The following MARCHF1 variants were observed in gnomAD, a reference collection of about 807,000 sequenced individuals.
MARCHF1 encodes the protein E3 ubiquitin-protein ligase MARCHF1.
Under a neutral mutation model 54.2 loss-of-function variants are expected in MARCHF1, and 40 were observed. The observed-to-expected ratio is 0.74, with a 90% CI of 0.57 to 0.96. The LOEUF (loss-of-function observed/expected upper bound fraction) is 0.96. Among genes scored for constraint, MARCHF1 ranks in the 40% least tolerant of loss-of-function variants. The probability of loss-of-function intolerance (pLI) is 0.00; values close to 1 mark genes in which losing one functional copy is unlikely to be tolerated. For missense variants in MARCHF1, 586 were observed against 656.5 expected, an observed-to-expected ratio of 0.89 and a Z score of 1.17; for synonymous variants, 236 against 236.3, an observed-to-expected ratio of 1.00 and a Z score of 0.01.
chr4:163,666,961 C>T (rs138806555), intron 5 of MARCHF1, among the ~76,000 whole-genome samples: 6 of 152,104 alleles, frequency 3.9e-5, no homozygotes, highest in African/African-American at 1.2e-4. Flanking sequence ...TATCTATACC[C>T]TGCTTTGTTG....
At chr4:164,070,780 A>G (rs1381096824) in intron 2 of MARCHF1, among the ~76,000 whole-genome samples, 2 of 152,250 alleles carry the variant, frequency 1.3e-5, no homozygotes, top group African/African-American at 4.8e-5. Context: ...GCCTCAATTC[A>G]TTCTCTTAAA....
intron 2 of MARCHF1, among the ~76,000 whole-genome samples, chr4:164,040,833 A>G (rs1460799475): frequency 6.6e-6 from 1 of 151,882 alleles, no homozygotes; most frequent in Non-Finnish European, 1.5e-5. Context: ...AATTTGGAAA[A>G]TAAGGTTGGC....
chr4:163,758,842 A>G (rs1198211601), intron 4 of MARCHF1, among the ~76,000 whole-genome samples: 1 of 152,192 alleles, frequency 6.6e-6, no homozygotes, highest in Non-Finnish European at 1.5e-5. Context: ...TTGATATTGA[A>G]CATATTATTG....
intron 4 of MARCHF1, among the ~76,000 whole-genome samples, chr4:163,782,371 T>C (rs1346612968): frequency 6.6e-6 from 1 of 152,082 alleles, no homozygotes; most frequent in Non-Finnish European, 1.5e-5. Context: ...AGCAGAGTCC[T>C]TATTGAAAGG....
At chr4:163,778,758 A>G (rs1207308155) in intron 4 of MARCHF1, among the ~76,000 whole-genome samples, 1 of 152,224 alleles carries the variant, frequency 6.6e-6, no homozygotes, top group Non-Finnish European at 1.5e-5. Flanking sequence ...CAGAAAGACA[A>G]ATACCACATG....
At chr4:164,075,362 G>T (rs1025928439) in intron 2 of MARCHF1, among the ~76,000 whole-genome samples, 1 of 152,186 alleles carries the variant, frequency 6.6e-6, no homozygotes, top group African/African-American at 2.4e-5. Flanking sequence ...TAGCAAACAT[G>T]TTGTAAACAA....
intron 1 of MARCHF1, among the ~76,000 whole-genome samples, chr4:164,181,009 C>A (rs1730819819): frequency 6.6e-6 from 1 of 152,138 alleles, no homozygotes; most frequent in Admixed American, 6.6e-5. Context: ...AAATTCTCAT[C>A]ATCTCATTTC....
chr4:164,074,379 A>C (rs1360165534), intron 2 of MARCHF1, among the ~76,000 whole-genome samples: 2 of 152,212 alleles, frequency 1.3e-5, no homozygotes, highest in Non-Finnish European at 2.9e-5. Flanking sequence ...CCATTTCCAG[A>C]GTATGTAACA....
At chr4:163,737,151 A>G (rs1579242830) in intron 4 of MARCHF1, among the ~76,000 whole-genome samples, 1 of 106,904 alleles carries the variant, frequency 9.4e-6, no homozygotes, top group African/African-American at 3.3e-5. Flanking sequence ...CAGCGCTCGC[A>G]GCTTTTTTCT....
chr4:163,681,092 T>G (rs908577524), intron 5 of MARCHF1, among the ~76,000 whole-genome samples: 4 of 151,878 alleles, frequency 2.6e-5, no homozygotes, highest in East Asian at 1.9e-4. Context: ...TAACCAGATA[T>G]TAAAGGGAAC....
At chr4:163,816,874 C>T (rs953247889) in intron 4 of MARCHF1, among the ~76,000 whole-genome samples, 1 of 151,998 alleles carries the variant, frequency 6.6e-6, no homozygotes, top group Non-Finnish European at 1.5e-5. Flanking sequence ...CCCCGCTGTG[C>T]CCCCACTGCA....
chr4:163,941,841 A>T (rs1343458284), intron 3 of MARCHF1, among the ~76,000 whole-genome samples: 2 of 152,214 alleles, frequency 1.3e-5, no homozygotes, highest in African/African-American at 2.4e-5. Flanking sequence ...AAAATGTTTT[A>T]AAATTACTAT....
At chr4:163,808,944 A>G (rs1748305549) in intron 4 of MARCHF1, among the ~76,000 whole-genome samples, 2 of 152,124 alleles carry the variant, frequency 1.3e-5, no homozygotes, top group Non-Finnish European at 2.9e-5. Context: ...GTCAGACGAG[A>G]CTGTCTCGTC....
intron 5 of MARCHF1, among the ~76,000 whole-genome samples, chr4:163,690,188 T>A (rs1744402465): frequency 6.6e-6 from 1 of 152,196 alleles, no homozygotes; most frequent in African/African-American, 2.4e-5. Context: ...ACTTGCAGCC[T>A]CATTTCTGAA....
At chr4:164,284,782 C>T (rs1734104479) in intron 1 of MARCHF1, among the ~76,000 whole-genome samples, 1 of 150,980 alleles carries the variant, frequency 6.6e-6, no homozygotes, top group South Asian at 2.1e-4. Flanking sequence ...TTTTGACACA[C>T]ATTGAGAAGT....
intron 3 of MARCHF1, among the ~76,000 whole-genome samples, chr4:163,882,716 C>T (rs1053089347): frequency 6.6e-6 from 1 of 152,000 alleles, no homozygotes; most frequent in Non-Finnish European, 1.5e-5. Context: ...TACCTGTAAT[C>T]CCAGCATTTT....
intron 1 of MARCHF1, among the ~76,000 whole-genome samples, chr4:164,156,699 G>A (rs1730086417): frequency 6.6e-6 from 1 of 152,146 alleles, no homozygotes; most frequent in African/African-American, 2.4e-5. Flanking sequence ...AAAGTGCTGG[G>A]ATTACAGGCG....
At chr4:163,909,439 CATATT>C (rs1751143194) in intron 3 of MARCHF1, among the ~76,000 whole-genome samples, 1 of 152,160 alleles carries the variant, frequency 6.6e-6, no homozygotes, top group Non-Finnish European at 1.5e-5. Context: ...AATCCATACT[CATATT>C]ATAATTACCA....
intron 1 of MARCHF1, among the ~76,000 whole-genome samples, chr4:164,284,394 G>A (rs1307159170): frequency 6.6e-6 from 1 of 150,426 alleles, no homozygotes; most frequent in African/African-American, 2.4e-5. Flanking sequence ...CAGTTCTCCA[G>A]AGTAGAAAAA....
Sources: gnomAD v4.1 joint callset for allele counts (sites outside exome capture counted in the v4.1 genomes callset) on GRCh38, gnomAD v4.1.1 for gene constraint, MANE v1.5 for transcripts, NCBI Gene and HGNC (gene_info 2026-07-23, HGNC 2026-07-21) for gene names.